Variants in NIBAN1 observed in about 807,000 individuals in gnomAD.
The protein encoded by NIBAN1 is niban apoptosis regulator 1.
Under a neutral mutation model 75.1 loss-of-function variants are expected in NIBAN1, and 81 were observed. That is an observed-to-expected ratio of 1.08 (90% CI 0.90 to 1.30). The LOEUF (loss-of-function observed/expected upper bound fraction) is 1.30, where lower values mean the gene tolerates loss of function less well. NIBAN1 is among the 50% of genes most tolerant of loss of function. The pLI is 0.00. For missense variants in NIBAN1, 1,133 were observed against 1,128.1 expected (o/e 1.00, Z -0.06); for synonymous variants, 436 against 424.8 (o/e 1.03, Z -0.32).
intron 12 of NIBAN1, among the ~76,000 whole-genome samples, chr1:184,798,766 T>G: frequency 6.6e-6 from 1 of 151,762 alleles, no homozygotes; most frequent in Non-Finnish European, 1.5e-5. Flanking sequence ...CCACCCCACT[T>G]TCCAGTCTGC....
At chr1:184,964,569 C>G (rs1227954142) in intron 1 of NIBAN1, among the ~76,000 whole-genome samples, 1 of 152,180 alleles carries the variant, frequency 6.6e-6, no homozygotes, top group Non-Finnish European at 1.5e-5. Flanking sequence ...TGAAACGGAG[C>G]TAATGATATC....
Position 184,793,876 on chromosome 1 carries a change from T to A in NIBAN1, c.*1101A>T, listed in dbSNP as rs916177858. 1 of 152,196 alleles carries A rather than the reference T, an allele frequency of 6.6e-6. No individual in the cohort carries two copies. The highest frequency in any genetic ancestry group is 1.5e-5 in the Non-Finnish European group (1 of 68,020). 9.4% of individuals were successfully genotyped at this position (152,196 alleles called of 1,614,324 possible). ...CTTGCTGAATGACCAAACAAATGAT[T>A]TCAGCTTTTGATAACATCTTTGGAA... On this transcript the variant is annotated 3_prime_UTR_variant, in exon 14 of 14. Transcript: ENST00000367511.
intron 1 of NIBAN1, among the ~76,000 whole-genome samples, chr1:184,930,984 A>G (rs1349124270): frequency 1.4e-5 from 2 of 140,374 alleles, no homozygotes; most frequent in Non-Finnish European, 3.0e-5. Flanking sequence ...TTCTAAGTGC[A>G]CTTTTTCTTC....
intron 5 of NIBAN1, among the ~76,000 whole-genome samples, chr1:184,881,069 C>A (rs1487980753): frequency 6.6e-6 from 1 of 151,586 alleles, no homozygotes; most frequent in Non-Finnish European, 1.5e-5. Context: ...TAAATAAAAG[C>A]AAAACACCCA....
chr1:184,964,302 G>A (rs1349851466), intron 1 of NIBAN1, among the ~76,000 whole-genome samples: 1 of 152,134 alleles, frequency 6.6e-6, no homozygotes, highest in Non-Finnish European at 1.5e-5. Context: ...GTGCTCTAAA[G>A]AAAACCAGAA....
intron 5 of NIBAN1, among the ~76,000 whole-genome samples, chr1:184,874,099 T>A (rs189178004): frequency 6.6e-6 from 1 of 152,190 alleles, no homozygotes; most frequent in Admixed American, 6.5e-5. Flanking sequence ...CTTTGATAAG[T>A]TCTGCAAGTT....
intron 1 of NIBAN1, among the ~76,000 whole-genome samples, chr1:184,904,171 C>T (rs1358683334): frequency 6.6e-6 from 1 of 151,966 alleles, no homozygotes; most frequent in Non-Finnish European, 1.5e-5. Flanking sequence ...GCTGGGATTA[C>T]AGGAGTGGAT....
chr1:184,921,259 T>C (rs1657526006), intron 1 of NIBAN1, among the ~76,000 whole-genome samples: 1 of 151,990 alleles, frequency 6.6e-6, no homozygotes, highest in Non-Finnish European at 1.5e-5. Flanking sequence ...ATTGCGCCAT[T>C]GCACTCCAGC....
intron 6 of NIBAN1, among the ~76,000 whole-genome samples, chr1:184,828,132 T>C (rs1325966938): frequency 2.6e-5 from 4 of 152,264 alleles, no homozygotes; most frequent in East Asian, 1.9e-4. Context: ...TATTGACAAG[T>C]AGAAAATATG....
chr1:184,932,981 T>A (rs1407832359), intron 1 of NIBAN1, among the ~76,000 whole-genome samples: 1 of 152,118 alleles, frequency 6.6e-6, no homozygotes, highest in East Asian at 1.9e-4. Flanking sequence ...GCAGAAAGCA[T>A]AACAAAAATC....
chr1:184,879,736 A>G (rs997492729), intron 5 of NIBAN1, among the ~76,000 whole-genome samples: 10 of 152,238 alleles, frequency 6.6e-5, no homozygotes, highest in African/African-American at 2.2e-4. Context: ...TAATAAAGGC[A>G]TGGGATTTCT....
At chr1:184,865,575 G>A (rs1655935991) in intron 5 of NIBAN1, among the ~76,000 whole-genome samples, 1 of 151,934 alleles carries the variant, frequency 6.6e-6, no homozygotes, top group Admixed American at 6.6e-5. Flanking sequence ...TAACAAATCT[G>A]CACACGTACC....
intron 9 of NIBAN1, among the ~76,000 whole-genome samples, chr1:184,816,553 C>T (rs999975239): frequency 2.6e-5 from 4 of 152,152 alleles, no homozygotes; most frequent in African/African-American, 9.7e-5. Flanking sequence ...ATGCACTAGG[C>T]CCCAACAAAC....
chr1:184,806,940 T>C (rs1206485537), intron 10 of NIBAN1, among the ~76,000 whole-genome samples: 1 of 152,056 alleles, frequency 6.6e-6, no homozygotes, highest in African/African-American at 2.4e-5. Flanking sequence ...GCTAATTTTT[T>C]TGTATTTTTA....
At chr1:184,864,758 C>T (rs535856722) in intron 5 of NIBAN1, among the ~76,000 whole-genome samples, 12 of 151,556 alleles carry the variant, frequency 7.9e-5, no homozygotes, top group African/African-American at 1.2e-4. Flanking sequence ...AACAAATAAT[C>T]GCATTAAAAA....
At chr1:184,835,202 A>G (rs942620828) in intron 5 of NIBAN1, among the ~76,000 whole-genome samples, 1 of 152,076 alleles carries the variant, frequency 6.6e-6, no homozygotes, top group South Asian at 2.1e-4. Flanking sequence ...ATTGAGCTGT[A>G]TCTCTGTTTT....
At chr1:184,937,633 G>GT (rs1284635981) in intron 1 of NIBAN1, among the ~76,000 whole-genome samples, 25 of 152,230 alleles carry the variant, frequency 1.6e-4, no homozygotes, top group Admixed American at 1.6e-3. Flanking sequence ...TGCAAACACA[G>GT]TAAATGTGAC....
chr1:184,798,947 A>G (rs912319548), intron 12 of NIBAN1, among the ~76,000 whole-genome samples: 1 of 152,204 alleles, frequency 6.6e-6, no homozygotes, highest in African/African-American at 2.4e-5. Context: ...TATTCATTAT[A>G]TGGATAAACA....
chr1:184,974,480 G>A lies in NIBAN1; in HGVS notation c.-124C>T. The A allele has an allele frequency of 1.5e-6, 2 of 1,309,174 alleles. No individual in the cohort carries two copies. The highest frequency in any genetic ancestry group is 2.1e-6 in the Non-Finnish European group (2 of 964,704). The allele number at this position is 1,309,174 out of a possible 1,614,324, so 81.1% of individuals were successfully genotyped here. A position where few individuals can be genotyped will look rare whatever the true frequency, so the allele number is the denominator to read the frequency against. On this transcript the variant is annotated 5_prime_UTR_variant, in exon 1 of 14. Transcript: ENST00000367511. ...AGAGCAAACTTCCTTCGAGAGGCGA[G>A]AGACAGGAGGCAAGAGGCGTCGCCT...
Sources: allele counts gnomAD v4.1 joint callset (sites outside exome capture counted in the v4.1 genomes callset), GRCh38; gene constraint gnomAD v4.1.1; transcripts MANE v1.5; gene names NCBI Gene and HGNC (gene_info 2026-07-23, HGNC 2026-07-21).